The following PTCD3 variants were observed in gnomAD, a reference collection of about 807,000 sequenced individuals.
PTCD3 encodes the protein small ribosomal subunit protein mS39.
PTCD3 carries 89 observed loss-of-function variants against 101.9 expected under a neutral mutation model. That is an observed-to-expected ratio of 0.87 (90% CI 0.74 to 1.04). The LOEUF (loss-of-function observed/expected upper bound fraction) is 1.04. Among genes scored for constraint, PTCD3 ranks in the 50% least tolerant of loss-of-function variants. PTCD3 has a pLI of 0.00. For synonymous variants in PTCD3, 296 were observed against 278.5 expected (o/e 1.06, Z -0.63); for missense variants, 870 against 828.2 (o/e 1.05, Z -0.62).
At chr2:86,135,120 T>A in intron 21 of PTCD3, 133 bp downstream of exon 21, 1 of 1,059,578 alleles carries the variant, frequency 9.4e-7, no homozygotes, top group South Asian at 1.9e-5. Context: ...AAATACCAAC[T>A]AAAAAGCAAA....
chr2:86,109,917 T>A (rs1674043655), intron 3 of PTCD3, among the ~76,000 whole-genome samples: 1 of 152,246 alleles, frequency 6.6e-6, no homozygotes, highest in Non-Finnish European at 1.5e-5. Context: ...ATACGTTTTT[T>A]AGGGAGATGT....
At chr2:86,126,710 G>A (rs1028405006) in intron 12 of PTCD3, among the ~76,000 whole-genome samples, 83 of 151,886 alleles carry the variant, frequency 5.5e-4, no homozygotes, top group African/African-American at 2.0e-3. Context: ...AGTGGTGCTC[G>A]CCTGTAGTCG....
chr2:86,108,337 T>G lies in PTCD3; in HGVS notation c.105-13T>G. 1 of 1,607,384 alleles carries G rather than the reference T, an allele frequency of 6.2e-7. No homozygotes were observed. The highest frequency in any genetic ancestry group is 1.1e-5 in the South Asian group (1 of 89,688). Reference sequence around the variant, plus strand: ...TAATGACTATTAGATTTAAGGCTTTTGTTTTTTTGCAGATTTTATTCTGGT... The same window carrying G: ...TAATGACTATTAGATTTAAGGCTTTGGTTTTTTTGCAGATTTTATTCTGGT... On this transcript the variant is annotated splice_polypyrimidine_tract_variant and intron_variant, in intron 1 of 23. Transcript: ENST00000254630.
intron 19 of PTCD3, among the ~76,000 whole-genome samples, chr2:86,134,018 C>T (rs946668077): frequency 1.3e-5 from 2 of 152,182 alleles, no homozygotes; most frequent in African/African-American, 4.8e-5. Context: ...ATCAAATTCC[C>T]AAGTGCTATA....
Position 86,139,616 on chromosome 2 carries a change from A to T in PTCD3, c.*2057A>T, listed in dbSNP as rs1346870331. The T allele has an allele frequency of 2.0e-5, 3 of 149,312 alleles. No individual in the cohort carries two copies. Among genetic ancestry groups the T allele is most frequent in the Non-Finnish European group, 4.4e-5 (3 of 68,200 alleles). The allele number at this position is 149,312 out of a possible 1,614,324, so 9.2% of individuals were successfully genotyped here. On this transcript the variant is annotated 3_prime_UTR_variant, in exon 24 of 24. Transcript: ENST00000254630. ...CCAGGAGTTTGAGACCAGCCTGGGT[A>T]ACAGTGAGACCCCCCTCCCTACAAA... is the stretch of plus-strand genomic sequence containing the variant.
chr2:86,132,311 T>G lies in PTCD3; in HGVS notation c.1267-7T>G. On this transcript the variant is annotated splice_region_variant and splice_polypyrimidine_tract_variant and intron_variant, in intron 16 of 23. Coordinates refer to ENST00000254630, the MANE Select transcript of PTCD3 (RefSeq NM_017952.6). ...CAGAGTGATACTTACTACTTGCATATTTTCAGTGCTCATCTCTCAGAGATC... is the reference window on the plus strand; with the variant it reads ...CAGAGTGATACTTACTACTTGCATAGTTTCAGTGCTCATCTCTCAGAGATC... The G allele has an allele frequency of 1.3e-6, 2 of 1,554,440 alleles. No individual in the cohort carries two copies. The highest frequency in any genetic ancestry group is 1.8e-6 in the Non-Finnish European group (2 of 1,129,128).
Position 86,133,173 on chromosome 2 carries a change from C to T in PTCD3, c.1374-5C>T. ...GACTAAACATACTTTTTGCCTTCAT[C>T]ACAGTTCCAAGTTCTTCGATTTGAT... On this transcript the variant is annotated splice_polypyrimidine_tract_variant and splice_region_variant and intron_variant, in intron 17 of 23. Transcript: ENST00000254630. 6.2e-7 allele frequency: 1 copy of T among 1,612,040 alleles called. No individual in the cohort carries two copies. Among genetic ancestry groups the T allele is most frequent in the Non-Finnish European group, 8.5e-7 (1 of 1,179,438 alleles).
At chr2:86,127,901 A>T in intron 13 of PTCD3, 40 bp from the exon 14 acceptor site, 1 of 1,500,614 alleles carries the variant, frequency 6.7e-7, no homozygotes, top group Non-Finnish European at 9.3e-7. Flanking sequence ...CTGTGTTTTT[A>T]CCTCATTGTT....
At chr2:86,134,699 A>G (rs1450997446) in intron 20 of PTCD3, 140 bp from the exon 21 acceptor site, 6 of 995,454 alleles carry the variant, frequency 6.0e-6, no homozygotes, top group Non-Finnish European at 8.9e-6. Context: ...TTTTTTTATT[A>G]AATTACTTGT....
Position 86,127,210 on chromosome 2 carries a change from CTT to C in PTCD3, c.1004_1005del (p.Phe335Ter). On this transcript the variant is annotated frameshift_variant, in exon 13 of 24. Transcript: ENST00000254630. LOFTEE classifies it high-confidence loss of function. ...CAGAAGGTGAAACCAAATCTTCAGA[CTT>C]TTAATACCATTCTGAAATGTCTCCG... is the stretch of plus-strand genomic sequence containing the variant. 2 of 1,613,456 alleles carry C rather than the reference CTT, an allele frequency of 1.2e-6. No homozygotes were observed. The highest frequency in any genetic ancestry group is 8.5e-7 in the Non-Finnish European group (1 of 1,179,428).
chr2:86,113,926 T>G (rs1033973224), intron 4 of PTCD3, among the ~76,000 whole-genome samples: 1 of 152,178 alleles, frequency 6.6e-6, no homozygotes, highest in African/African-American at 2.4e-5. Context: ...TCTCCCTACT[T>G]GCAAAGCATT....
chr2:86,136,834 T>G, intron 22 of PTCD3, 148 bp from the exon 23 acceptor site: 1 of 1,116,712 alleles, frequency 9.0e-7, no homozygotes, highest in Non-Finnish European at 1.3e-6. Context: ...CTAACCTCAC[T>G]GGAAACAAGT....
At chr2:86,120,067 T>C (rs1211505780) in intron 7 of PTCD3, among the ~76,000 whole-genome samples, 1 of 152,218 alleles carries the variant, frequency 6.6e-6, no homozygotes, top group Non-Finnish European at 1.5e-5. Context: ...AAGCTATGTT[T>C]GAGAATTTTG....
chr2:86,106,238 G>C lies in PTCD3; in HGVS notation c.-10G>C, dbSNP rs374412803. The C allele has an allele frequency of 1.9e-6, 3 of 1,613,658 alleles. No homozygotes were observed. Among genetic ancestry groups the C allele is most frequent in the African/African-American group, 2.7e-5 (2 of 74,932 alleles). ...ACGCTTTCCCAACATGCTCTGCAGAGAAATCAAAGATGGCGGTTGTATCTG... is the reference window on the plus strand; with the variant it reads ...ACGCTTTCCCAACATGCTCTGCAGACAAATCAAAGATGGCGGTTGTATCTG... On this transcript the variant is annotated 5_prime_UTR_variant, in exon 1 of 24. Coordinates refer to ENST00000254630, the MANE Select transcript of PTCD3 (RefSeq NM_017952.6).
intron 23 of PTCD3, 107 bp downstream of exon 23, chr2:86,137,247 C>A: frequency 7.3e-7 from 1 of 1,372,160 alleles, no homozygotes; most frequent in East Asian, 2.4e-5. Context: ...TTCAAAAAGT[C>A]AGAATGTAGT....
At chr2:86,116,462 A>G (rs1674179644) in intron 4 of PTCD3, 68 bp from the exon 5 acceptor site, 2 of 1,266,270 alleles carry the variant, frequency 1.6e-6, no homozygotes, top group Non-Finnish European at 2.3e-6. Flanking sequence ...CCTTGAGTCC[A>G]GGAGCTAAAA....
rs1674642052 is a variant in PTCD3 at position 86,139,074 on chromosome 2, A to G, written c.*1515A>G. On this transcript the variant is annotated 3_prime_UTR_variant, in exon 24 of 24. Transcript: ENST00000254630. ...AGCTTGGTACTTTTAAGTTTGTGGT[A>G]CAGATCCTCCAAACCCATACTCTGA... 1 of 152,242 alleles carries G rather than the reference A, an allele frequency of 6.6e-6. No individual in the cohort carries two copies. Among genetic ancestry groups the G allele is most frequent in the South Asian group, 2.1e-4 (1 of 4,834 alleles). The allele number at this position is 152,242 out of a possible 1,614,324, so 9.4% of individuals were successfully genotyped here. A position where few individuals can be genotyped will look rare whatever the true frequency, so the allele number is the denominator to read the frequency against.
At position 86,127,201 on chromosome 2, in the gene PTCD3, A is replaced by G. The variant is rs1476838706; in HGVS notation, c.992A>G (p.Asn331Ser). The part of the protein sequence containing the change: ...RHMVAQKVKP[N>S]LQTFNTILKC... The stretch of plus-strand genomic sequence containing the variant: ...ATGGTTGCACAGAAGGTGAAACCAA[A>G]TCTTCAGACTTTTAATACCATTCTG... The change falls in exon 13 of 24, where the codon AAT becomes AGT. Residue 331 changes from asparagine to serine, a missense_variant. Physicochemically the swap from Asn to Ser is conservative, Grantham distance 46. Coordinates refer to ENST00000254630, the MANE Select transcript of PTCD3 (RefSeq NM_017952.6). 6.2e-7 allele frequency: 1 copy of G among 1,613,670 alleles called. No individual in the cohort carries two copies. Among genetic ancestry groups the G allele is most frequent in the African/African-American group, 1.3e-5 (1 of 74,932 alleles).
At chr2:86,125,680 G>A (rs1674370073) in intron 11 of PTCD3, 115 bp from the exon 12 acceptor site, 1 of 1,060,774 alleles carries the variant, frequency 9.4e-7, no homozygotes, top group Non-Finnish European at 1.4e-6. Flanking sequence ...TAGTTTTCCA[G>A]TTTTGTGGAC....
Sources: allele counts gnomAD v4.1 joint callset (sites outside exome capture counted in the v4.1 genomes callset), GRCh38; gene constraint gnomAD v4.1.1; transcripts MANE v1.5; gene names NCBI Gene and HGNC (gene_info 2026-07-23, HGNC 2026-07-21).